USP34: variants seen among roughly 807,000 people sequenced by gnomAD.
The protein encoded by USP34 is ubiquitin carboxyl-terminal hydrolase 34.
Under a neutral mutation model 460.3 loss-of-function variants are expected in USP34, and 70 were observed. The observed-to-expected ratio is 0.15, with a 90% confidence interval of 0.13 to 0.19. The LOEUF (loss-of-function observed/expected upper bound fraction) is 0.19, where lower values mean the gene tolerates loss of function less well. Ranked by LOEUF, USP34 falls within the 10% of genes least tolerant of loss-of-function variation. USP34 has a pLI of 1.00. For missense variants in USP34, 3,985 were observed against 4,236.2 expected (o/e 0.94, Z 1.65); for synonymous variants, 1,647 against 1,405.3 (o/e 1.17, Z -3.85).
intron 20 of USP34, among the ~76,000 whole-genome samples, chr2:61,327,319 G>C (rs528488700): frequency 5.9e-5 from 9 of 152,300 alleles, no homozygotes; most frequent in Non-Finnish European, 1.2e-4. Flanking sequence ...CTTTGTGAAA[G>C]TGAAAATACA....
At chr2:61,462,373 G>T (rs895063219) in intron 1 of USP34, among the ~76,000 whole-genome samples, 2 of 151,212 alleles carry the variant, frequency 1.3e-5, no homozygotes, top group Admixed American at 1.3e-4. Flanking sequence ...AAACAGTGAA[G>T]CCCCATTCCT....
At chr2:61,350,066 T>G (rs1465480129) in intron 12 of USP34, among the ~76,000 whole-genome samples, 194 bp downstream of exon 12, 1 of 152,118 alleles carries the variant, frequency 6.6e-6, no homozygotes, top group African/African-American at 2.4e-5. Context: ...TACAAAGACT[T>G]CATCACTATC....
chr2:61,296,071 CA>C (rs1217352595), intron 30 of USP34, among the ~76,000 whole-genome samples: 6 of 151,984 alleles, frequency 3.9e-5, no homozygotes, highest in Non-Finnish European at 5.9e-5. Flanking sequence ...TCAACTTGGC[CA>C]AAACGGTGAA....
At chr2:61,219,003 C>T (rs561383360) in intron 67 of USP34, among the ~76,000 whole-genome samples, 1 of 152,276 alleles carries the variant, frequency 6.6e-6, no homozygotes, top group African/African-American at 2.4e-5. Flanking sequence ...AATTAAGCTC[C>T]ACCTCCTGGG....
At chr2:61,336,584 C>T (rs1324398633) in intron 18 of USP34, among the ~76,000 whole-genome samples, 2 of 151,224 alleles carry the variant, frequency 1.3e-5, no homozygotes, top group South Asian at 4.2e-4. Flanking sequence ...TCAGGGCAAG[C>T]AGATCACTTG....
At chr2:61,416,995 G>A in intron 2 of USP34, 1 of 1,318,666 alleles carries the variant, frequency 7.6e-7, no homozygotes, top group East Asian at 2.3e-5. Context: ...AAATTCATCG[G>A]CATTGAACTT....
chr2:61,320,713 A>C (rs2103698390), intron 21 of USP34, among the ~76,000 whole-genome samples: 1 of 152,272 alleles, frequency 6.6e-6, no homozygotes, highest in East Asian at 1.9e-4. Flanking sequence ...AAAAATTAAA[A>C]AACAAAAATT....
At chr2:61,316,404 G>T (rs1289389998) in intron 23 of USP34, among the ~76,000 whole-genome samples, 7 of 151,882 alleles carry the variant, frequency 4.6e-5, no homozygotes, top group African/African-American at 1.7e-4. Flanking sequence ...GGTCAACGTG[G>T]TGAAAACCCA....
At chr2:61,455,191 G>A (rs911982322) in intron 1 of USP34, among the ~76,000 whole-genome samples, 3 of 151,034 alleles carry the variant, frequency 2.0e-5, no homozygotes, top group African/African-American at 7.3e-5. Context: ...CCTTTTGTTT[G>A]TTTTTGAGAC....
chr2:61,387,908 C>G (rs1341497841), intron 5 of USP34, among the ~76,000 whole-genome samples: 1 of 145,346 alleles, frequency 6.9e-6, no homozygotes, highest in East Asian at 2.0e-4. Flanking sequence ...TATATATAAG[C>G]ATATGTAAAA....
Position 61,300,997 on chromosome 2 carries a change from G to A in USP34, c.4082C>T (p.Ala1361Val). 6.2e-7 allele frequency: 1 copy of A among 1,613,822 alleles called. No individual in the cohort carries two copies. Among genetic ancestry groups the A allele is most frequent in the Non-Finnish European group, 8.5e-7 (1 of 1,179,922 alleles). The change falls in exon 29 of 80, where the codon GCA (alanine) becomes GTA (valine). Residue 1361 changes from alanine to valine, a missense_variant. Physicochemically the swap from Ala to Val is moderately conservative, Grantham distance 64. Transcript: ENST00000398571. ...TTTTCCTGAGGGTGGTTTAAATGAT[G>A]CAAGCATCTCTAATAAATCAAAAAG... The part of the protein sequence containing the change: ...TTLFDLLEML[A>V]SFKPPSGKVA...
At chr2:61,417,342 A>C in intron 2 of USP34, 1 of 627,056 alleles carries the variant, frequency 1.6e-6, no homozygotes, top group South Asian at 1.8e-5. Flanking sequence ...CTGGACCCCC[A>C]TAAGGAAAGG....
intron 10 of USP34, among the ~76,000 whole-genome samples, chr2:61,363,910 C>G (rs1187490195): frequency 6.6e-6 from 1 of 152,206 alleles, no homozygotes; most frequent in Admixed American, 6.5e-5. Context: ...ATTATCACCA[C>G]TATCTGTACG....
At chr2:61,377,820 C>G (rs1417480708) in intron 8 of USP34, among the ~76,000 whole-genome samples, 1 of 152,156 alleles carries the variant, frequency 6.6e-6, no homozygotes, top group Non-Finnish European at 1.5e-5. Context: ...ACTAAATTCT[C>G]CAGTATAAAC....
At chr2:61,368,016 G>A (rs1005384999) in intron 10 of USP34, among the ~76,000 whole-genome samples, 5 of 152,140 alleles carry the variant, frequency 3.3e-5, no homozygotes, top group East Asian at 1.9e-4. Flanking sequence ...GTATAAACTC[G>A]ATGAACATGT....
chr2:61,299,661 G>A (rs1190634044), intron 29 of USP34, among the ~76,000 whole-genome samples: 1 of 145,760 alleles, frequency 6.9e-6, no homozygotes, highest in African/African-American at 2.6e-5. Flanking sequence ...TGAGGCAGCA[G>A]GATCACTTGA....
intron 10 of USP34, among the ~76,000 whole-genome samples, chr2:61,361,214 C>T (rs143654186): frequency 6.6e-6 from 1 of 152,164 alleles, no homozygotes; most frequent in South Asian, 2.1e-4. Context: ...AGTTTGAGAT[C>T]TGCCTGGGCA....
chr2:61,297,652 C>T (rs1256940569), intron 29 of USP34, among the ~76,000 whole-genome samples: 1 of 152,160 alleles, frequency 6.6e-6, no homozygotes, highest in East Asian at 1.9e-4. Flanking sequence ...TTTGGTATAA[C>T]ATGGTCTAGG....
intron 3 of USP34, among the ~76,000 whole-genome samples, chr2:61,398,799 A>G (rs1417379629): frequency 6.6e-6 from 1 of 152,192 alleles, no homozygotes; most frequent in Non-Finnish European, 1.5e-5. Context: ...CAGAACTCAG[A>G]ACATTTCAAA....
Sources: allele counts gnomAD v4.1 joint callset (sites outside exome capture counted in the v4.1 genomes callset), GRCh38; gene constraint gnomAD v4.1.1; transcripts MANE v1.5; gene names NCBI Gene and HGNC (gene_info 2026-07-23, HGNC 2026-07-21).